Variants in FSD1L observed in about 807,000 individuals in gnomAD.
FSD1L encodes FSD1-like protein.
A neutral mutation model predicts 71.6 loss-of-function variants in FSD1L; 45 were observed. The observed-to-expected ratio is 0.63, with a 90% CI of 0.49 to 0.81. The LOEUF (loss-of-function observed/expected upper bound fraction) is 0.81. FSD1L is among the 30% of genes least tolerant of loss of function. FSD1L has a pLI of 0.00. For missense variants in FSD1L, 561 were observed against 618.1 expected (o/e 0.91, Z 0.98); for synonymous variants, 197 against 207.2 (o/e 0.95, Z 0.42).
chr9:105,513,497 C>G, intron 10 of FSD1L: 1 of 859,258 alleles, frequency 1.2e-6, no homozygotes, highest in East Asian at 2.9e-5. Context: ...AGTAATGAAT[C>G]CCCAAAAATT....
intron 10 of FSD1L, among the ~76,000 whole-genome samples, chr9:105,518,210 T>C (rs1358934976): frequency 6.6e-6 from 1 of 152,172 alleles, no homozygotes; most frequent in African/African-American, 2.4e-5. Context: ...ACAGTAATAG[T>C]GGGAGACTTT....
At chr9:105,452,669 G>GCCTTCCTTCCTGCCTT in intron 1 of FSD1L, among the ~76,000 whole-genome samples, 1 of 96,172 alleles carries the variant, frequency 1.0e-5, no homozygotes, top group Non-Finnish European at 2.1e-5. Context: ...CTGCCTGCCT[G>GCCTTCCTTCCTGCCTT]CCTTCCTTCC....
intron 10 of FSD1L, chr9:105,522,636 A>G: frequency 6.8e-6 from 11 of 1,612,726 alleles, no homozygotes; most frequent in Non-Finnish European, 9.3e-6. Flanking sequence ...ATTGCCTTGA[A>G]GTAGCAGCAC....
At chr9:105,482,107 T>G (rs2771028) in intron 6 of FSD1L, among the ~76,000 whole-genome samples, 41,918 of 151,984 alleles carry the variant, frequency 0.28, 6,027 homozygotes, top group Non-Finnish European at 0.31. Flanking sequence ...CATAGATGGA[T>G]TTTAAGGGAG....
intron 10 of FSD1L, chr9:105,520,805 A>G: frequency 1.2e-6 from 2 of 1,612,382 alleles, no homozygotes; most frequent in Non-Finnish European, 1.7e-6. Flanking sequence ...AAGAAACTCA[A>G]GTCACTATAG....
chr9:105,451,656 C>T (rs1463688561), intron 1 of FSD1L, among the ~76,000 whole-genome samples: 2 of 152,180 alleles, frequency 1.3e-5, no homozygotes, highest in South Asian at 2.1e-4. Context: ...GGGACGCTTT[C>T]GTGAACAGGA....
chr9:105,442,316 A>T, the FSD1L span, among the ~76,000 whole-genome samples: 2 of 152,184 alleles, frequency 1.3e-5, no homozygotes, highest in Non-Finnish European at 2.9e-5. Context: ...AAACTGAGTC[A>T]GAAAGGGAAT....
chr9:105,485,667 G>A (rs1185547940), intron 7 of FSD1L, among the ~76,000 whole-genome samples: 4 of 146,690 alleles, frequency 2.7e-5, no homozygotes, highest in Non-Finnish European at 6.0e-5. Flanking sequence ...TTTTTGAGAC[G>A]GAGTCTTGCT....
chr9:105,495,487 T>C (rs111830415), intron 7 of FSD1L, among the ~76,000 whole-genome samples: 3,806 of 152,276 alleles, frequency 0.025, 180 homozygotes, highest in African/African-American at 0.087. Flanking sequence ...CTTCGGCTCG[T>C]GCAGGGTGCG....
rs143012032 is a variant in FSD1L at position 105,481,618 on chromosome 9, T to A, written c.464+2242T>A. Reference sequence around the variant, plus strand: ...TCAACTTAATTTTTAAAATTTGATGTTTAGCTTTATAATGTTCAGGTTTCT... The same window carrying A: ...TCAACTTAATTTTTAAAATTTGATGATTAGCTTTATAATGTTCAGGTTTCT... On this transcript the variant is annotated intron_variant, in intron 6 of 13. Transcript: ENST00000481272. Among the ~76,000 whole-genome samples, 1,206 of 152,146 alleles carry A rather than the reference T, an allele frequency of 7.9e-3. 10 individuals are homozygous for A. Among genetic ancestry groups the A allele is most frequent in the Middle Eastern group, 0.02 (6 of 294 alleles).
At chr9:105,541,083 T>C (rs896631337) in intron 13 of FSD1L, among the ~76,000 whole-genome samples, 2 of 152,158 alleles carry the variant, frequency 1.3e-5, no homozygotes, top group African/African-American at 2.4e-5. Flanking sequence ...GAGAAAGTTT[T>C]CAGAGTAAGA....
chr9:105,544,311 A>G lies in FSD1L; in HGVS notation c.1468-2047A>G, dbSNP rs985060925. On this transcript the variant is annotated intron_variant, in intron 13 of 13. Transcript: ENST00000481272. ...TTGTAAATTTGTTTGAGTTCTTTGTAGATTCTGGATATTAGCCCTTTGTCA... is the reference window on the plus strand; with the variant it reads ...TTGTAAATTTGTTTGAGTTCTTTGTGGATTCTGGATATTAGCCCTTTGTCA... Among the ~76,000 whole-genome samples, 97 of 152,208 alleles carry G rather than the reference A, an allele frequency of 6.4e-4. 1 individual carries two copies. The highest frequency in any genetic ancestry group is 1.2e-3 in the South Asian group (6 of 4,826).
At chr9:105,452,247 CAACT>C (rs1263657674) in intron 1 of FSD1L, among the ~76,000 whole-genome samples, 2 of 152,202 alleles carry the variant, frequency 1.3e-5, no homozygotes, top group Non-Finnish European at 2.9e-5. Context: ...CATAACCAAC[CAACT>C]GTTCCATGTT....
intron 8 of FSD1L, among the ~76,000 whole-genome samples, chr9:105,508,069 A>T (rs1186597405): frequency 6.6e-6 from 1 of 151,652 alleles, no homozygotes; most frequent in Non-Finnish European, 1.5e-5. Flanking sequence ...GGGTTTCTCC[A>T]TGTTGGTCAG....
intron 10 of FSD1L, chr9:105,522,441 A>C: frequency 6.2e-7 from 1 of 1,613,870 alleles, no homozygotes; most frequent in Non-Finnish European, 8.5e-7. Context: ...CCAAGCCCCA[A>C]TGAGACAGAG....
chr9:105,535,382 T>C (rs1836203271), intron 12 of FSD1L, 64 bp downstream of exon 12: 3 of 1,460,074 alleles, frequency 2.1e-6, no homozygotes, highest in Admixed American at 4.0e-5. Flanking sequence ...CTTTCACTGG[T>C]AATCATCTAT....
At chr9:105,532,099 T>G in intron 10 of FSD1L, among the ~76,000 whole-genome samples, 1 of 152,184 alleles carries the variant, frequency 6.6e-6, no homozygotes, top group East Asian at 1.9e-4. Context: ...TGGATTCCCT[T>G]GAGTTCAGCA....
At chr9:105,488,757 T>G (rs1832718002) in intron 7 of FSD1L, among the ~76,000 whole-genome samples, 1 of 151,976 alleles carries the variant, frequency 6.6e-6, no homozygotes, top group African/African-American at 2.4e-5. Context: ...ATATACTTAC[T>G]GTCTGTATGT....
intron 9 of FSD1L, among the ~76,000 whole-genome samples, chr9:105,509,198 A>T (rs909692220): frequency 6.6e-5 from 10 of 152,244 alleles, no homozygotes; most frequent in Non-Finnish European, 2.9e-5. Flanking sequence ...AGAGATCAAT[A>T]TGCTAGATAT....
Sources: gnomAD v4.1 joint callset for allele counts (sites outside exome capture counted in the v4.1 genomes callset) on GRCh38, gnomAD v4.1.1 for gene constraint, MANE v1.5 for transcripts, NCBI Gene and HGNC (gene_info 2026-07-23, HGNC 2026-07-21) for gene names.